NAF1: variants seen among roughly 807,000 people sequenced by gnomAD.
NAF1 encodes nuclear assembly factor 1 ribonucleoprotein, also known as H/ACA ribonucleoprotein complex non-core subunit NAF1.
A neutral mutation model predicts 40.6 loss-of-function variants in NAF1; 11 were observed. The ratio of observed to expected loss-of-function variants is 0.27; its 90% CI spans 0.17 to 0.45. The LOEUF (loss-of-function observed/expected upper bound fraction) is 0.45, where lower values mean the gene tolerates loss of function less well. Among genes scored for constraint, NAF1 ranks in the 20% least tolerant of loss-of-function variants. The pLI, the probability that NAF1 is intolerant of heterozygous loss-of-function variation, is 1.00. For synonymous variants in NAF1, 260 were observed against 228.5 expected (o/e 1.14, Z -1.24); for missense variants, 607 against 611.1 (o/e 0.99, Z 0.07).
chr4:163,121,448 T>G (rs1332418668), intron 2 of NAF1, among the ~76,000 whole-genome samples: 1 of 152,218 alleles, frequency 6.6e-6, no homozygotes, highest in Non-Finnish European at 1.5e-5. Context: ...GTATCCCGAA[T>G]GCACTAAATC....
At chr4:163,147,939 AT>A (rs1446366675) in intron 3 of NAF1, among the ~76,000 whole-genome samples, 2 of 152,156 alleles carry the variant, frequency 1.3e-5, no homozygotes, top group Non-Finnish European at 2.9e-5. Context: ...AGGAAGTAAG[AT>A]TCTCCCCTAG....
chr4:163,141,879 A>T (rs1268703775), intron 4 of NAF1: 1 of 886,812 alleles, frequency 1.1e-6, no homozygotes, highest in Non-Finnish European at 1.4e-6. Context: ...TTATGATTTC[A>T]GTACAGCACT....
chr4:163,122,365 T>C (rs1187125001), downstream of NAF1, among the ~76,000 whole-genome samples: 1 of 151,888 alleles, frequency 6.6e-6, no homozygotes, highest in East Asian at 1.9e-4. Context: ...TGGAGAGGAG[T>C]GACAAATCAC....
intron 2 of NAF1, among the ~76,000 whole-genome samples, chr4:163,110,646 T>G (rs755926485): frequency 2.6e-5 from 4 of 152,172 alleles, no homozygotes; most frequent in Non-Finnish European, 5.9e-5. Context: ...AAAAGTGATG[T>G]TTATTTGCTT....
At chr4:163,128,055 T>C (rs148842722), downstream of NAF1, among the ~76,000 whole-genome samples, 40 of 152,348 alleles carry the variant, frequency 2.6e-4, no homozygotes, top group African/African-American at 9.1e-4. Flanking sequence ...CTAAAACTCA[T>C]AATTTCCCTT....
chr4:163,131,904 A>G (rs1297113967), intron 7 of NAF1, among the ~76,000 whole-genome samples: 5 of 152,244 alleles, frequency 3.3e-5, no homozygotes, highest in African/African-American at 1.2e-4. Flanking sequence ...AAGTTGGCAA[A>G]AGATAATGAA....
rs35063973 is a variant in NAF1, at chr4:163,166,462, G to A, written c.266C>T (p.Ser89Leu). 1.3e-3 allele frequency: 2,096 copies of A among 1,604,702 alleles called. 8 individuals carry two copies. In the African/African-American group the frequency reaches 0.016, roughly 12 times the overall value. ...GGTGACGCAGTCTCCGCAGGCCGGCGATTCAGCCGGTGGCTGTGGCTGCGG... is the reference window on the plus strand; with the variant it reads ...GGTGACGCAGTCTCCGCAGGCCGGCAATTCAGCCGGTGGCTGTGGCTGCGG... The part of the protein sequence containing the change: ...PAPQPQPPAE[S>L]PACGDCVTSP... Residue 89 changes from serine (S) to leucine (L), a missense_variant, in exon 1 of 8, where the codon TCG becomes TTG. By Grantham distance (145) the Ser-to-Leu change is moderately radical. Around this residue, in one of 3 missense-constraint regions of NAF1, gnomAD observed 407 missense variants for 365.5 expected, o/e 1.11. Transcript: ENST00000274054.
downstream of NAF1, among the ~76,000 whole-genome samples, chr4:163,106,707 ACAAT>A (rs1362124170): frequency 6.6e-6 from 1 of 152,198 alleles, no homozygotes; most frequent in Non-Finnish European, 1.5e-5. Flanking sequence ...ATTCAGAAAA[ACAAT>A]CAAGAGTTAA....
chr4:163,159,178 C>T (rs1732116677), intron 2 of NAF1, among the ~76,000 whole-genome samples: 1 of 152,078 alleles, frequency 6.6e-6, no homozygotes, highest in Admixed American at 6.5e-5. Flanking sequence ...GTATTTATTT[C>T]ATGTTTATGA....
At chr4:163,123,785 C>T (rs1208036818), downstream of NAF1, among the ~76,000 whole-genome samples, 2 of 152,208 alleles carry the variant, frequency 1.3e-5, no homozygotes, top group Non-Finnish European at 2.9e-5. Context: ...TATCCATACA[C>T]AATCATGTGA....
chr4:163,121,297 A>T (rs1337825601), intron 2 of NAF1, among the ~76,000 whole-genome samples: 1 of 152,204 alleles, frequency 6.6e-6, no homozygotes, highest in East Asian at 1.9e-4. Context: ...ATTTCCATAC[A>T]GGATATTATC....
intron 3 of NAF1, among the ~76,000 whole-genome samples, chr4:163,147,601 G>A (rs1279056645): frequency 6.6e-6 from 1 of 152,098 alleles, no homozygotes; most frequent in Non-Finnish European, 1.5e-5. Context: ...ATGTTTTTAA[G>A]ACAAAATCAA....
At chr4:163,107,721 G>A (rs182272725), downstream of NAF1, among the ~76,000 whole-genome samples, 209 of 152,240 alleles carry the variant, frequency 1.4e-3, 1 homozygote, top group African/African-American at 4.9e-3. Flanking sequence ...AAAGCACAAT[G>A]TACAATAGTG....
intron 2 of NAF1, among the ~76,000 whole-genome samples, chr4:163,154,228 G>T (rs992478918): frequency 6.6e-6 from 1 of 152,250 alleles, no homozygotes; most frequent in Non-Finnish European, 1.5e-5. Flanking sequence ...CTAGTACTCT[G>T]TAATATAGGA....
chr4:163,126,215 G>A (rs141994293), downstream of NAF1, among the ~76,000 whole-genome samples: 1 of 152,216 alleles, frequency 6.6e-6, no homozygotes, highest in African/African-American at 2.4e-5. Flanking sequence ...TTTTTGCAAG[G>A]CTATAGCTGT....
chr4:163,125,256 A>G (rs2110852721), downstream of NAF1, among the ~76,000 whole-genome samples: 1 of 152,364 alleles, frequency 6.6e-6, no homozygotes, highest in African/African-American at 2.4e-5. Context: ...ACTTTACATC[A>G]AAAGTTAGAA....
chr4:163,147,726 G>T (rs1049331995), intron 3 of NAF1, among the ~76,000 whole-genome samples: 1 of 152,158 alleles, frequency 6.6e-6, no homozygotes, highest in Non-Finnish European at 1.5e-5. Flanking sequence ...AGGACCACGA[G>T]ATAGGGGAGA....
intron 6 of NAF1, among the ~76,000 whole-genome samples, chr4:163,134,433 C>T (rs1730980917): frequency 6.6e-6 from 1 of 152,070 alleles, no homozygotes; most frequent in Admixed American, 6.6e-5. Context: ...TAATTGTATG[C>T]CTTCCAATGC....
At chr4:163,127,768 C>T (rs998747318), downstream of NAF1, among the ~76,000 whole-genome samples, 3 of 152,190 alleles carry the variant, frequency 2.0e-5, no homozygotes, top group Non-Finnish European at 4.4e-5. Flanking sequence ...AAAGTGGGGC[C>T]TTAGTGCAAC....
Sources: allele counts gnomAD v4.1 joint callset (sites outside exome capture counted in the v4.1 genomes callset), GRCh38; gene constraint gnomAD v4.1.1; regional missense constraint gnomAD v4.1.1; transcripts MANE v1.5; gene names NCBI Gene and HGNC (gene_info 2026-07-23, HGNC 2026-07-21).